GRID1: variants seen among roughly 807,000 people sequenced by gnomAD.
The protein encoded by GRID1 is glutamate ionotropic receptor delta type subunit 1.
Under a neutral mutation model 98.0 loss-of-function variants are expected in GRID1, and 28 were observed. That is an observed-to-expected ratio of 0.29 (90% CI 0.21 to 0.39). GRID1 has a LOEUF of 0.39. Among genes scored for constraint, GRID1 ranks in the 10% least tolerant of loss-of-function variants. The probability of loss-of-function intolerance (pLI) is 1.00; values close to 1 mark genes in which losing one functional copy is unlikely to be tolerated. For synonymous variants in GRID1, 553 were observed against 538.5 expected (o/e 1.03, Z -0.37); for missense variants, 1,111 against 1,340.5 (o/e 0.83, Z 2.67).
chr10:86,216,639 G>C (rs755057241), intron 2 of GRID1, among the ~76,000 whole-genome samples: 1 of 152,180 alleles, frequency 6.6e-6, no homozygotes, highest in South Asian at 2.1e-4. Context: ...AAAGGACAAC[G>C]AGAAGCTTGG....
chr10:86,112,426 T>C (rs974721050), intron 4 of GRID1, among the ~76,000 whole-genome samples: 1 of 152,240 alleles, frequency 6.6e-6, no homozygotes, highest in African/African-American at 2.4e-5. Context: ...TTATTTAGCA[T>C]CAGTGTACTG....
chr10:86,348,246 G>A (rs1372866666), intron 2 of GRID1, among the ~76,000 whole-genome samples: 1 of 152,232 alleles, frequency 6.6e-6, no homozygotes, highest in Non-Finnish European at 1.5e-5. Context: ...GTCCCAAGAT[G>A]AGGAGTTCAT....
chr10:85,989,573 T>C lies in GRID1; in HGVS notation c.727-73334A>G, dbSNP rs1236305427. Among the ~76,000 whole-genome samples, 8 of 152,172 alleles carry C rather than the reference T, an allele frequency of 5.3e-5. 1 individual carries two copies. Among genetic ancestry groups the C allele is most frequent in the Non-Finnish European group, 1.5e-5 (1 of 68,024 alleles). On this transcript the variant is annotated intron_variant, in intron 4 of 15. Coordinates refer to ENST00000327946, the MANE Select transcript of GRID1 (RefSeq NM_017551.3). ...GATTCTCACAGGACTACAAACCCTATTGTGAATTAAGCATGCGACAGATCT... is the reference window on the plus strand; with the variant it reads ...GATTCTCACAGGACTACAAACCCTACTGTGAATTAAGCATGCGACAGATCT...
At chr10:86,273,070 A>G (rs887536691) in intron 2 of GRID1, among the ~76,000 whole-genome samples, 5 of 115,942 alleles carry the variant, frequency 4.3e-5, no homozygotes, top group African/African-American at 1.7e-4. Context: ...CACTCCCCCC[A>G]CCCCACAACA....
intron 5 of GRID1, among the ~76,000 whole-genome samples, chr10:85,891,469 G>A (rs1044668425): frequency 3.3e-5 from 5 of 152,124 alleles, no homozygotes; most frequent in African/African-American, 4.8e-5. Context: ...TGCAAATGCT[G>A]GCTGTGGTGG....
Position 86,206,342 on chromosome 10 carries a change from G to T in GRID1, c.520+22C>A, listed in dbSNP as rs1278664401. ...CCATCCCTGTCCCCAAGCAGCCCCAGCTCGCCTGCCGGACAACTCACCATA... is the reference window on the plus strand; with the variant it reads ...CCATCCCTGTCCCCAAGCAGCCCCATCTCGCCTGCCGGACAACTCACCATA... On this transcript the variant is annotated intron_variant, in intron 3 of 15. Coordinates refer to ENST00000327946, the MANE Select transcript of GRID1 (RefSeq NM_017551.3). The surrounding 1 kb of genome is among the most constrained non-coding windows in gnomAD (Gnocchi z 4.1). 2 of 1,571,228 alleles carry T rather than the reference G, an allele frequency of 1.3e-6. No individual in the cohort carries two copies. Among genetic ancestry groups the T allele is most frequent in the East Asian group, 4.5e-5 (2 of 44,502 alleles).
At chr10:86,204,450 C>T (rs74149224) in intron 3 of GRID1, among the ~76,000 whole-genome samples, 14 of 152,256 alleles carry the variant, frequency 9.2e-5, no homozygotes, top group East Asian at 5.8e-4. Context: ...GAGGGCAGGA[C>T]GAGCATGTCT....
At chr10:86,252,955 C>T (rs895165908) in intron 2 of GRID1, among the ~76,000 whole-genome samples, 1 of 152,156 alleles carries the variant, frequency 6.6e-6, no homozygotes, top group Non-Finnish European at 1.5e-5. Flanking sequence ...CTGACAGAAC[C>T]AGGGGCTCTG....
At chr10:85,940,063 T>G (rs1589306545) in intron 4 of GRID1, among the ~76,000 whole-genome samples, 1 of 73,250 alleles carries the variant, frequency 1.4e-5, no homozygotes, top group Non-Finnish European at 2.5e-5. Context: ...TGAGACTCCC[T>G]CTCAAAAAAA....
intron 6 of GRID1, among the ~76,000 whole-genome samples, chr10:85,860,106 C>T (rs1025173775): frequency 7.2e-5 from 11 of 152,188 alleles, no homozygotes; most frequent in African/African-American, 2.4e-4. Flanking sequence ...ACAGCCCAGG[C>T]TGGAGTCACA....
At chr10:86,218,808 G>T (rs564857463) in intron 2 of GRID1, among the ~76,000 whole-genome samples, 1 of 152,310 alleles carries the variant, frequency 6.6e-6, no homozygotes, top group African/African-American at 2.4e-5. Context: ...ACTGCTCCTT[G>T]GTCCCTGTCA....
At chr10:85,986,521 A>C (rs1446945302) in intron 4 of GRID1, among the ~76,000 whole-genome samples, 1 of 152,220 alleles carries the variant, frequency 6.6e-6, no homozygotes, top group Non-Finnish European at 1.5e-5. Flanking sequence ...TAAATACAGC[A>C]GCAGGAAGGA....
intron 14 of GRID1, among the ~76,000 whole-genome samples, chr10:85,618,689 C>T (rs180754620): frequency 1.2e-3 from 177 of 152,266 alleles, no homozygotes; most frequent in Non-Finnish European, 2.2e-3. Flanking sequence ...CTTGGTGGGG[C>T]TGAGGTCCAG....
chr10:86,053,193 T>G (rs2131907271), intron 4 of GRID1, among the ~76,000 whole-genome samples: 1 of 152,312 alleles, frequency 6.6e-6, no homozygotes, highest in East Asian at 1.9e-4. Flanking sequence ...TTTTTGCACA[T>G]TAATATTTTC....
In GRID1 at chr10:86,284,160, G is replaced by A. The variant is rs540791588; in HGVS notation, c.236-77512C>T. 4.0e-4 allele frequency among the ~76,000 whole-genome samples: 59 copies of A among 148,656 alleles called. 1 individual carries two copies. Among genetic ancestry groups the A allele is most frequent in the Admixed American group, 2.6e-3 (39 of 14,954 alleles). ...TGCACACACCTGCATACACACATCT[G>A]CTCTCACACACATACCTACACATAC... On this transcript the variant is annotated intron_variant, in intron 2 of 15. Coordinates refer to ENST00000327946, the MANE Select transcript of GRID1 (RefSeq NM_017551.3).
intron 2 of GRID1, 38 bp downstream of exon 2, chr10:86,363,903 C>G (rs776048232): frequency 3.1e-6 from 5 of 1,588,526 alleles, no homozygotes; most frequent in Non-Finnish European, 4.3e-6. Context: ...GCCTCGCAGG[C>G]CGTGTCCCAG....
chr10:86,157,503 C>G (rs1005627457), intron 3 of GRID1, among the ~76,000 whole-genome samples: 15 of 152,156 alleles, frequency 9.9e-5, no homozygotes, highest in Admixed American at 5.2e-4. Context: ...GGCGAGGCCC[C>G]CAGAGAACTT....
intron 2 of GRID1, among the ~76,000 whole-genome samples, chr10:86,235,601 G>C (rs1392839178): frequency 6.6e-6 from 1 of 152,134 alleles, no homozygotes; most frequent in Non-Finnish European, 1.5e-5. Flanking sequence ...TGTCTCTATA[G>C]TTTTGCCTTT....
intron 4 of GRID1, among the ~76,000 whole-genome samples, chr10:85,997,383 A>T (rs1295195942): frequency 6.6e-6 from 1 of 150,918 alleles, no homozygotes; most frequent in Admixed American, 6.6e-5. Flanking sequence ...TGGGCAACAG[A>T]GCGAGACTCC....
Sources: gnomAD v4.1 joint callset for allele counts (sites outside exome capture counted in the v4.1 genomes callset) on GRCh38, gnomAD v4.1.1 for gene constraint, Gnocchi (gnomAD v3.1) non-coding constraint, MANE v1.5 for transcripts, NCBI Gene and HGNC (gene_info 2026-07-23, HGNC 2026-07-21) for gene names.